Variants in ADGRB3 observed in about 807,000 individuals in gnomAD.
The protein encoded by ADGRB3 is brain-specific angiogenesis inhibitor 3.
In ADGRB3, 37 loss-of-function variants were observed where a neutral mutation model predicts 193.4. The ratio of observed to expected loss-of-function variants is 0.19; its 90% CI spans 0.15 to 0.25. ADGRB3 has a LOEUF of 0.25. Among genes scored for constraint, ADGRB3 ranks in the 10% least tolerant of loss-of-function variants. The pLI, the probability that ADGRB3 is intolerant of heterozygous loss-of-function variation, is 1.00. For synonymous variants in ADGRB3, 690 were observed against 644.2 expected (o/e 1.07, Z -1.08); for missense variants, 1,637 against 1,852.9 (o/e 0.88, Z 2.14).
chr6:68,648,153 G>A (rs1201248697), intron 3 of ADGRB3, among the ~76,000 whole-genome samples: 1 of 152,154 alleles, frequency 6.6e-6, no homozygotes, highest in Non-Finnish European at 1.5e-5. Context: ...TTTCTAGTGT[G>A]TATGGAAAAT....
At chr6:69,344,027 C>T (rs553720073) in intron 26 of ADGRB3, among the ~76,000 whole-genome samples, 1 of 152,158 alleles carries the variant, frequency 6.6e-6, no homozygotes, top group African/African-American at 2.4e-5. Flanking sequence ...TTCTTGGTGC[C>T]TGCACATTCT....
At chr6:68,906,589 T>G (rs1029888774) in intron 3 of ADGRB3, among the ~76,000 whole-genome samples, 1 of 152,038 alleles carries the variant, frequency 6.6e-6, no homozygotes, top group African/African-American at 2.4e-5. Flanking sequence ...TTTACATAAT[T>G]TAGAATCCAA....
intron 3 of ADGRB3, among the ~76,000 whole-genome samples, chr6:68,741,599 G>A (rs1388985247): frequency 6.6e-6 from 1 of 152,064 alleles, no homozygotes; most frequent in Non-Finnish European, 1.5e-5. Flanking sequence ...TATTGCCCAC[G>A]CTGGTCTTAA....
chr6:68,870,657 C>G (rs2150219552), intron 3 of ADGRB3, among the ~76,000 whole-genome samples: 1 of 152,274 alleles, frequency 6.6e-6, no homozygotes. Flanking sequence ...TCTCTGGAGT[C>G]AGTCTGCATG....
chr6:69,322,306 A>G (rs1005552497), intron 20 of ADGRB3, among the ~76,000 whole-genome samples: 7 of 151,938 alleles, frequency 4.6e-5, no homozygotes, highest in African/African-American at 1.7e-4. Flanking sequence ...TACTGCTGCC[A>G]TGAACATACA....
intron 20 of ADGRB3, among the ~76,000 whole-genome samples, chr6:69,279,071 GTA>G (rs57824884): frequency 0.12 from 8,540 of 70,904 alleles, 898 homozygotes; most frequent in Middle Eastern, 0.18. Context: ...AAATACATAT[GTA>G]TATATATATA....
intron 3 of ADGRB3, among the ~76,000 whole-genome samples, chr6:68,897,471 GAGGGAGGGATGGAGGA>G (rs1271303107): frequency 2.1e-5 from 2 of 97,398 alleles, no homozygotes; most frequent in Non-Finnish European, 4.4e-5. Flanking sequence ...GGAGGAAAGG[GAGGGAGGGATGGAGGA>G]AGGGAGGGAG....
chr6:68,777,498 A>G (rs984443335), intron 3 of ADGRB3, among the ~76,000 whole-genome samples: 73 of 152,120 alleles, frequency 4.8e-4, no homozygotes, highest in African/African-American at 1.6e-3. Context: ...ACGACCAGTA[A>G]TAACCAGAAT....
intron 17 of ADGRB3, among the ~76,000 whole-genome samples, chr6:69,113,725 T>C (rs1773441106): frequency 6.6e-6 from 1 of 152,190 alleles, no homozygotes; most frequent in African/African-American, 2.4e-5. Context: ...ATTTTCCTTC[T>C]GGGAAGTTAT....
At chr6:69,372,256 A>G in intron 29 of ADGRB3, 150 bp from the exon 30 acceptor site, 1 of 399,962 alleles carries the variant, frequency 2.5e-6, no homozygotes, top group Non-Finnish European at 4.6e-6. Flanking sequence ...TTCATGATTC[A>G]TGAAATTTTA....
chr6:68,696,530 T>C (rs1192749219), intron 3 of ADGRB3, among the ~76,000 whole-genome samples: 2 of 151,780 alleles, frequency 1.3e-5, no homozygotes, highest in Admixed American at 1.3e-4. Flanking sequence ...TTCCTGAACT[T>C]GATGTATTAT....
intron 3 of ADGRB3, among the ~76,000 whole-genome samples, chr6:68,677,380 A>G (rs944958147): frequency 6.6e-6 from 1 of 152,156 alleles, no homozygotes; most frequent in Non-Finnish European, 1.5e-5. Flanking sequence ...ACTGCAGACT[A>G]GCTTAGAATC....
intron 4 of ADGRB3, among the ~76,000 whole-genome samples, chr6:68,931,752 C>T (rs1414463220): frequency 6.6e-6 from 1 of 152,012 alleles, no homozygotes; most frequent in Non-Finnish European, 1.5e-5. Context: ...ATGAGTTTTG[C>T]TCTTAATAAG....
At chr6:69,198,288 A>G (rs575162280) in intron 17 of ADGRB3, among the ~76,000 whole-genome samples, 10 of 152,234 alleles carry the variant, frequency 6.6e-5, no homozygotes, top group African/African-American at 1.9e-4. Flanking sequence ...CAAGCACCTG[A>G]AATGAGCCAG....
intron 3 of ADGRB3, among the ~76,000 whole-genome samples, chr6:68,887,219 T>C (rs1261744283): frequency 6.6e-6 from 1 of 151,972 alleles, no homozygotes; most frequent in Non-Finnish European, 1.5e-5. Flanking sequence ...AGTTCCATTT[T>C]TTCTCCCCCC....
chr6:69,387,330 G>A (rs1380273361), intron 31 of ADGRB3, among the ~76,000 whole-genome samples: 1 of 152,034 alleles, frequency 6.6e-6, no homozygotes, highest in African/African-American at 2.4e-5. Context: ...AGGAAAGAAA[G>A]GAAGGATAAG....
intron 26 of ADGRB3, among the ~76,000 whole-genome samples, chr6:69,340,021 T>C (rs1283562965): frequency 6.6e-6 from 1 of 152,190 alleles, no homozygotes; most frequent in Non-Finnish European, 1.5e-5. Context: ...TTGGTTATGA[T>C]TGCTATGGAT....
chr6:68,756,044 A>G (rs1175177184), intron 3 of ADGRB3, among the ~76,000 whole-genome samples: 2 of 152,106 alleles, frequency 1.3e-5, no homozygotes, highest in Admixed American at 6.5e-5. Flanking sequence ...GAAAACATTG[A>G]TATATGTGTT....
chr6:69,165,623 G>A (rs1775111915), intron 17 of ADGRB3, among the ~76,000 whole-genome samples: 1 of 151,904 alleles, frequency 6.6e-6, no homozygotes, highest in Non-Finnish European at 1.5e-5. Flanking sequence ...CCTAATTAAA[G>A]TCATCCCTTA....
Sources: allele counts gnomAD v4.1 joint callset (sites outside exome capture counted in the v4.1 genomes callset), GRCh38; gene constraint gnomAD v4.1.1; transcripts MANE v1.5; gene names NCBI Gene and HGNC (gene_info 2026-07-23, HGNC 2026-07-21).